The following SAMD12 variants were observed in gnomAD, a reference collection of about 807,000 sequenced individuals.
SAMD12 encodes the protein sterile alpha motif domain containing 12, also known as sterile alpha motif domain-containing protein 12.
SAMD12 carries 9 observed loss-of-function variants against 15.0 expected under a neutral mutation model. The ratio of observed to expected loss-of-function variants is 0.60; its 90% CI spans 0.36 to 1.05. The LOEUF (loss-of-function observed/expected upper bound fraction) is 1.05. Ranked by LOEUF, SAMD12 falls within the 50% of genes least tolerant of loss-of-function variation. The probability of loss-of-function intolerance (pLI) is 0.01; values close to 1 mark genes in which losing one functional copy is unlikely to be tolerated. For synonymous variants in SAMD12, 86 were observed against 90.1 expected, an observed-to-expected ratio of 0.96 and a Z score of 0.25; for missense variants, 230 against 234.2, an observed-to-expected ratio of 0.98 and a Z score of 0.12.
At chr8:118,582,520 C>A (rs986917315) in intron 1 of SAMD12, among the ~76,000 whole-genome samples, 1 of 152,202 alleles carries the variant, frequency 6.6e-6, no homozygotes, top group Non-Finnish European at 1.5e-5. Flanking sequence ...ATGAATTTCT[C>A]TTCTCCTAGT....
At chr8:118,457,670 C>T (rs916660008) in intron 2 of SAMD12, among the ~76,000 whole-genome samples, 12 of 152,116 alleles carry the variant, frequency 7.9e-5, no homozygotes, top group Admixed American at 6.5e-4. Context: ...AGCTCCTTTC[C>T]AGAAAACAGT....
At chr8:118,458,720 G>A (rs922828197) in intron 2 of SAMD12, among the ~76,000 whole-genome samples, 4 of 152,136 alleles carry the variant, frequency 2.6e-5, no homozygotes, top group African/African-American at 9.7e-5. Flanking sequence ...CTGCAAGCAA[G>A]GTAATGCCAA....
At chr8:118,330,338 T>C (rs1258634810) in intron 4 of SAMD12, among the ~76,000 whole-genome samples, 4 of 152,226 alleles carry the variant, frequency 2.6e-5, no homozygotes, top group African/African-American at 7.2e-5. Flanking sequence ...CTCTTCTCCA[T>C]GTTCCTTGGG....
intron 4 of SAMD12, among the ~76,000 whole-genome samples, chr8:118,230,147 T>A (rs1008953854): frequency 2.6e-5 from 4 of 152,032 alleles, no homozygotes; most frequent in African/African-American, 9.7e-5. Flanking sequence ...GGAGCCAACG[T>A]TTAATGAGGG....
At chr8:118,541,975 T>C (rs922626630) in intron 2 of SAMD12, among the ~76,000 whole-genome samples, 4 of 152,194 alleles carry the variant, frequency 2.6e-5, no homozygotes, top group African/African-American at 9.7e-5. Flanking sequence ...ATGCAAGCTA[T>C]GGTGCCCAGC....
At chr8:118,597,675 C>G (rs950430221) in intron 1 of SAMD12, among the ~76,000 whole-genome samples, 1 of 152,308 alleles carries the variant, frequency 6.6e-6, no homozygotes, top group African/African-American at 2.4e-5. Flanking sequence ...CCAGGCATTT[C>G]ACCAGCCATA....
At chr8:118,457,631 T>C (rs909235390) in intron 2 of SAMD12, among the ~76,000 whole-genome samples, 2 of 152,106 alleles carry the variant, frequency 1.3e-5, no homozygotes, top group African/African-American at 4.8e-5. Context: ...AAAGCAAAAA[T>C]GTGTAGGATT....
chr8:118,169,645 A>G, the SAMD12 span, among the ~76,000 whole-genome samples: 6,884 of 152,264 alleles, frequency 0.045, 283 homozygotes, highest in African/African-American at 0.1. Context: ...ACTGACCCCA[A>G]TGTTTCTTTC....
chr8:118,347,598 T>C (rs899441430), intron 4 of SAMD12, among the ~76,000 whole-genome samples: 1 of 152,234 alleles, frequency 6.6e-6, no homozygotes, highest in Non-Finnish European at 1.5e-5. Context: ...AGTACTACAC[T>C]ATAAAAGGCT....
At chr8:118,539,436 CA>C (rs1320590184) in intron 2 of SAMD12, among the ~76,000 whole-genome samples, 4 of 152,192 alleles carry the variant, frequency 2.6e-5, no homozygotes, top group Non-Finnish European at 5.9e-5. Context: ...CAGCTTCAAC[CA>C]CCAATCCCCA....
intron 2 of SAMD12, among the ~76,000 whole-genome samples, chr8:118,533,546 A>T (rs1190141904): frequency 6.6e-6 from 1 of 152,172 alleles, no homozygotes; most frequent in Middle Eastern, 3.2e-3. Context: ...GGGGTGTTAA[A>T]GTCTCCCATT....
intron 2 of SAMD12, among the ~76,000 whole-genome samples, chr8:118,554,351 C>A (rs1354790652): frequency 1.3e-5 from 2 of 151,772 alleles, no homozygotes; most frequent in African/African-American, 4.8e-5. Flanking sequence ...TACTATGCAG[C>A]CATAAAAAAT....
chr8:118,464,206 C>T (rs970865464), intron 2 of SAMD12, among the ~76,000 whole-genome samples: 1 of 152,108 alleles, frequency 6.6e-6, no homozygotes, highest in African/African-American at 2.4e-5. Context: ...AAGAAATGCA[C>T]TTGCTTTATA....
At chr8:118,244,659 G>T (rs1428394224) in intron 4 of SAMD12, among the ~76,000 whole-genome samples, 1 of 152,068 alleles carries the variant, frequency 6.6e-6, no homozygotes, top group Non-Finnish European at 1.5e-5. Flanking sequence ...AACCATCTTT[G>T]TTGGATAAAA....
At chr8:118,515,185 AT>A (rs55864364) in intron 2 of SAMD12, among the ~76,000 whole-genome samples, 89 of 103,298 alleles carry the variant, frequency 8.6e-4, no homozygotes, top group East Asian at 2.8e-3. Context: ...CGCCCAGCTA[AT>A]TTTTTTTTTT....
intron 4 of SAMD12, among the ~76,000 whole-genome samples, chr8:118,229,573 A>G (rs974859399): frequency 2.0e-5 from 3 of 152,086 alleles, no homozygotes; most frequent in Admixed American, 6.5e-5. Context: ...TTCATCAAAC[A>G]CTATTTTCAT....
At chr8:118,287,750 C>T (rs1391052238) in intron 4 of SAMD12, among the ~76,000 whole-genome samples, 1 of 152,136 alleles carries the variant, frequency 6.6e-6, no homozygotes, top group East Asian at 1.9e-4. Flanking sequence ...GATTGTTGTT[C>T]ACTTCATTTG....
intron 2 of SAMD12, among the ~76,000 whole-genome samples, chr8:118,544,975 G>C (rs560633224): frequency 1.4e-4 from 21 of 152,194 alleles, no homozygotes; most frequent in Non-Finnish European, 1.5e-4. Context: ...AACAGCAGAC[G>C]AATGAGATCA....
chr8:118,184,175 A>AT, the SAMD12 span, among the ~76,000 whole-genome samples: 56 of 152,330 alleles, frequency 3.7e-4, no homozygotes, highest in Admixed American at 7.2e-4. Context: ...AATAAAAAAA[A>AT]ATATATAAAA....
Sources: allele counts gnomAD v4.1 joint callset (sites outside exome capture counted in the v4.1 genomes callset), GRCh38; gene constraint gnomAD v4.1.1; transcripts MANE v1.5; gene names NCBI Gene and HGNC (gene_info 2026-07-23, HGNC 2026-07-21).